DGKB: variants seen among roughly 807,000 people sequenced by gnomAD.
DGKB encodes 90 kDa diacylglycerol kinase.
Under a neutral mutation model 114.3 loss-of-function variants are expected in DGKB, and 67 were observed. The ratio of observed to expected loss-of-function variants is 0.59; its 90% CI spans 0.48 to 0.72. DGKB has a LOEUF of 0.72. Among genes scored for constraint, DGKB ranks in the 30% least tolerant of loss-of-function variants. The pLI is 0.00. For missense variants in DGKB, 907 were observed against 975.2 expected (o/e 0.93, Z 0.93); for synonymous variants, 398 against 323.1 (o/e 1.23, Z -2.49).
chr7:14,655,314 T>C (rs1458509779), intron 13 of DGKB, among the ~76,000 whole-genome samples: 1 of 151,704 alleles, frequency 6.6e-6, no homozygotes, highest in African/African-American at 2.4e-5. Context: ...ATCAGGGAAA[T>C]GCAAATCAAA....
chr7:14,659,331 A>C (rs184079166), intron 13 of DGKB, among the ~76,000 whole-genome samples: 122 of 151,618 alleles, frequency 8.0e-4, no homozygotes, highest in African/African-American at 2.5e-3. Flanking sequence ...GCAGTATGGC[A>C]ATTTTCACGA....
chr7:14,323,697 GA>G (rs1808225728), intron 23 of DGKB, among the ~76,000 whole-genome samples: 2 of 152,306 alleles, frequency 1.3e-5, no homozygotes, highest in South Asian at 4.1e-4. Context: ...TGTGTTTGAT[GA>G]GTATCCGAAA....
chr7:14,689,194 C>CTATTT (rs1563917251), intron 9 of DGKB, among the ~76,000 whole-genome samples: 1 of 92,330 alleles, frequency 1.1e-5, no homozygotes, highest in African/African-American at 3.8e-5. Context: ...ACAGAAACTC[C>CTATTT]TCTTATTTTT....
At chr7:14,397,091 G>C (rs1173055637) in intron 21 of DGKB, among the ~76,000 whole-genome samples, 1 of 152,100 alleles carries the variant, frequency 6.6e-6, no homozygotes. Flanking sequence ...TGCGGGGCAT[G>C]AAAATCTGCT....
chr7:14,498,800 C>G (rs1785683295), intron 20 of DGKB, among the ~76,000 whole-genome samples: 2 of 151,670 alleles, frequency 1.3e-5, no homozygotes, highest in African/African-American at 4.8e-5. Context: ...TTACCTTATA[C>G]AGCAATATAG....
chr7:14,556,334 A>C (rs1006898757), intron 20 of DGKB, among the ~76,000 whole-genome samples: 1 of 152,132 alleles, frequency 6.6e-6, no homozygotes, highest in Admixed American at 6.5e-5. Context: ...ATATATATTT[A>C]GTATTTATTA....
chr7:14,897,465 A>C (rs1782285841), intron 1 of DGKB, among the ~76,000 whole-genome samples: 1 of 151,872 alleles, frequency 6.6e-6, no homozygotes, highest in African/African-American at 2.4e-5. Context: ...GGGAAATAAG[A>C]GTTTAAGAAA....
chr7:14,610,137 T>G (rs1333654068), intron 16 of DGKB, among the ~76,000 whole-genome samples: 1 of 152,094 alleles, frequency 6.6e-6, no homozygotes, highest in Non-Finnish European at 1.5e-5. Flanking sequence ...CCATCAATGC[T>G]GGGCTGGATA....
intron 17 of DGKB, among the ~76,000 whole-genome samples, chr7:14,600,694 C>T (rs984928291): frequency 3.9e-5 from 6 of 152,152 alleles, no homozygotes; most frequent in Non-Finnish European, 5.9e-5. Flanking sequence ...CCAAGTAAGT[C>T]CAACACCCAA....
At chr7:14,373,006 T>A (rs1418767796) in intron 21 of DGKB, among the ~76,000 whole-genome samples, 1 of 152,166 alleles carries the variant, frequency 6.6e-6, no homozygotes, top group African/African-American at 2.4e-5. Flanking sequence ...CTACGTTTGA[T>A]CCATAAGGTG....
At chr7:14,660,779 C>G (rs1417814472) in intron 13 of DGKB, among the ~76,000 whole-genome samples, 1 of 151,936 alleles carries the variant, frequency 6.6e-6, no homozygotes, top group Non-Finnish European at 1.5e-5. Context: ...AAGCTGGAGG[C>G]ATCACACTAC....
At chr7:14,589,182 A>G (rs1046223056) in intron 17 of DGKB, among the ~76,000 whole-genome samples, 4 of 151,384 alleles carry the variant, frequency 2.6e-5, no homozygotes, top group African/African-American at 9.7e-5. Context: ...ATGTTTATTA[A>G]TATTAATATT....
At chr7:14,869,042 T>C (rs1293265483) in intron 1 of DGKB, among the ~76,000 whole-genome samples, 1 of 152,216 alleles carries the variant, frequency 6.6e-6, no homozygotes, top group Non-Finnish European at 1.5e-5. Flanking sequence ...ACAGTCCTTC[T>C]AGGTGTTTTA....
intron 1 of DGKB, among the ~76,000 whole-genome samples, chr7:14,898,797 G>C (rs1292058938): frequency 6.6e-6 from 1 of 152,098 alleles, no homozygotes; most frequent in Non-Finnish European, 1.5e-5. Flanking sequence ...CTTATGGAGC[G>C]AGTCCATTTA....
intron 1 of DGKB, among the ~76,000 whole-genome samples, chr7:14,873,751 T>G (rs1312443041): frequency 6.6e-6 from 1 of 151,988 alleles, no homozygotes; most frequent in Non-Finnish European, 1.5e-5. Flanking sequence ...AAGTTGCCCT[T>G]ATATTCCAAA....
At chr7:14,285,960 T>C (rs1800806193) in intron 23 of DGKB, among the ~76,000 whole-genome samples, 1 of 152,096 alleles carries the variant, frequency 6.6e-6, no homozygotes, top group Non-Finnish European at 1.5e-5. Context: ...TACTAGAAAT[T>C]GTATGCATCA....
chr7:14,344,955 G>A (rs747210073), intron 22 of DGKB, among the ~76,000 whole-genome samples: 19 of 151,546 alleles, frequency 1.3e-4, no homozygotes, highest in South Asian at 4.1e-4. Flanking sequence ...ATTGAGACCC[G>A]AAAATAATAT....
intron 2 of DGKB, among the ~76,000 whole-genome samples, chr7:14,817,959 T>C (rs1424837344): frequency 6.6e-6 from 1 of 152,076 alleles, no homozygotes; most frequent in Non-Finnish European, 1.5e-5. Context: ...AGTAGGCGTT[T>C]CATGTATCTG....
At chr7:14,262,005 CTT>C (rs1337885560) in intron 23 of DGKB, among the ~76,000 whole-genome samples, 2 of 152,164 alleles carry the variant, frequency 1.3e-5, no homozygotes, top group African/African-American at 4.8e-5. Context: ...CTGCAGAAGA[CTT>C]TGAATGAATC....
Sources: gnomAD v4.1 joint callset for allele counts (sites outside exome capture counted in the v4.1 genomes callset) on GRCh38, gnomAD v4.1.1 for gene constraint, MANE v1.5 for transcripts, NCBI Gene and HGNC (gene_info 2026-07-23, HGNC 2026-07-21) for gene names.